Variants in NCAPD2 observed in about 807,000 individuals in gnomAD.
NCAPD2 encodes non-SMC condensin I complex subunit D2, also known as condensin complex subunit 1.
Under a neutral mutation model 164.5 loss-of-function variants are expected in NCAPD2, and 100 were observed. The ratio of observed to expected loss-of-function variants is 0.61; its 90% CI spans 0.52 to 0.72. The LOEUF (loss-of-function observed/expected upper bound fraction) is 0.72. NCAPD2 is among the 30% of genes least tolerant of loss of function. The probability of loss-of-function intolerance (pLI) is 0.00; values close to 1 mark genes in which losing one functional copy is unlikely to be tolerated. For missense variants in NCAPD2, 1,560 were observed against 1,749.2 expected (o/e 0.89, Z 1.93); for synonymous variants, 585 against 642.6 (o/e 0.91, Z 1.36).
intron 2 of NCAPD2, among the ~76,000 whole-genome samples, chr12:6,504,239 A>ATATG (rs1565539684): frequency 1.2e-4 from 10 of 86,930 alleles, no homozygotes; most frequent in African/African-American, 4.3e-4. Flanking sequence ...ATATATATAT[A>ATATG]TATACCATTG....
chr12:6,521,879 A>G lies in NCAPD2; in HGVS notation c.1796A>G (p.Lys599Arg), dbSNP rs147032879. 11 of 1,614,130 alleles carry G rather than the reference A, an allele frequency of 6.8e-6. No homozygotes were observed. Among genetic ancestry groups the G allele is most frequent in the Non-Finnish European group, 9.3e-6 (11 of 1,180,012 alleles). The change falls in exon 15 of 32, where the codon AAA becomes AGA. Residue 599 changes from lysine (K) to arginine (R), a missense_variant. Transcript: ENST00000315579. Reference protein sequence around the residue: ...MVTGQTVCKNKPNMSDPEESR... With the variant: ...MVTGQTVCKNRPNMSDPEESR... ...ACAGGACAGACTGTCTGTAAAAATA[A>G]ACCCAATATGTCGGATCCTGAGGAA...
chr12:6,531,232 G>A lies in NCAPD2; in HGVS notation c.4121-95G>A, dbSNP rs369033087. ...GTACAGCTTGGATTTTATTTCTTCT[G>A]TGCGGTGTGGGATTGTCTCACTTGT... On this transcript the variant is annotated intron_variant, in intron 31 of 31. Transcript: ENST00000315579. The surrounding 1 kb of genome is among the most constrained non-coding windows in gnomAD (Gnocchi z 4.1). 14 of 1,485,368 alleles carry A rather than the reference G, an allele frequency of 9.4e-6. No homozygotes were observed. In the African/African-American group the frequency reaches 1.7e-4, roughly 18 times the overall value. 92.0% of individuals were successfully genotyped at this position (1,485,368 alleles called of 1,614,324 possible). A position where few individuals can be genotyped will look rare whatever the true frequency, so the allele number is the denominator to read the frequency against.
Position 6,517,596 on chromosome 12 carries a change from C to T in NCAPD2, c.1321C>T (p.Leu441Phe), listed in dbSNP as rs760972801. Residue 441 changes from leucine (L) to phenylalanine (F), a missense_variant and splice_region_variant, in exon 12 of 32, where the codon CTT becomes TTT. By Grantham distance (22) the Leu-to-Phe change is conservative (BLOSUM62 0). Transcript: ENST00000315579. ...FLANNPFSCK[L>F]SDADLAGPLQ... Reference sequence around the variant, plus strand: ...CCCTGCTATTCATTTTACCTGATAGCTTAGTGATGCTGACCTTGCCGGACC... The same window carrying T: ...CCCTGCTATTCATTTTACCTGATAGTTTAGTGATGCTGACCTTGCCGGACC... 1 of 1,614,228 alleles carries T rather than the reference C, an allele frequency of 6.2e-7. No homozygotes were observed. Among genetic ancestry groups the T allele is most frequent in the Non-Finnish European group, 8.5e-7 (1 of 1,180,038 alleles).
At chr12:6,530,280 A>G (rs560010511) in intron 29 of NCAPD2, among the ~76,000 whole-genome samples, 1 of 152,200 alleles carries the variant, frequency 6.6e-6, no homozygotes, top group Non-Finnish European at 1.5e-5. Flanking sequence ...CCTTGCCCCT[A>G]CACATCACAG....
At position 6,512,308 on chromosome 12, in the gene NCAPD2, TAGAC is replaced by T. The variant is rs1168340356; in HGVS notation, c.587+1066_587+1069del. Among the ~76,000 whole-genome samples the T allele has an allele frequency of 8.0e-3, 1,167 of 145,896 alleles. 21 individuals carry two copies. Among genetic ancestry groups the T allele is most frequent in the African/African-American group, 0.027 (1,051 of 39,320 alleles). ...AAAAAAAAAAAGATAGATAGATAGATAGACAGACAGACAAACAGACAGACAAGCT... is the reference window on the plus strand; with the variant it reads ...AAAAAAAAAAAGATAGATAGATAGATAGACAGACAAACAGACAGACAAGCT... On this transcript the variant is annotated intron_variant, in intron 6 of 31. Coordinates refer to ENST00000315579, the MANE Select transcript of NCAPD2 (RefSeq NM_014865.4).
chr12:6,527,744 C>T, intron 22 of NCAPD2, 33 bp from the exon 23 acceptor site: 2 of 1,578,708 alleles, frequency 1.3e-6, no homozygotes, highest in South Asian at 1.1e-5. Context: ...GTTGTCTCTG[C>T]TTATCCATGA....
intron 6 of NCAPD2, among the ~76,000 whole-genome samples, chr12:6,513,715 C>CTTTTTTATTTTTTTTTTT: frequency 1.3e-5 from 1 of 74,894 alleles, no homozygotes; most frequent in Non-Finnish European, 2.5e-5. Flanking sequence ...GTGACTTTGT[C>CTTTTTTATTTTTTTTTTT]TTTTTTTTTT....
At position 6,527,796 on chromosome 12, in the gene NCAPD2, C is replaced by T. The variant is rs970819686; in HGVS notation, c.2927C>T (p.Thr976Ile). ...PKEKNTSSETTMEEELGLVGA... is the reference protein window; with the variant it reads ...PKEKNTSSETIMEEELGLVGA... Reference sequence around the variant, plus strand: ...CTTTAGAATACGAGCTCTGAGACCACCATGGAGGAGGAGCTGGGGCTGGTT... The same window carrying T: ...CTTTAGAATACGAGCTCTGAGACCATCATGGAGGAGGAGCTGGGGCTGGTT... Residue 976 changes from threonine (T) to isoleucine (I), a missense_variant, in exon 23 of 32, where the codon ACC becomes ATC. Physicochemically the swap from Thr to Ile is moderately conservative, Grantham distance 89. Transcript: ENST00000315579. 1.2e-6 allele frequency: 2 copies of T among 1,613,382 alleles called. No individual in the cohort carries two copies. The highest frequency in any genetic ancestry group is 1.3e-5 in the African/African-American group (1 of 75,016).
chr12:6,509,064 A>G (rs1396166174), intron 2 of NCAPD2, among the ~76,000 whole-genome samples: 4 of 150,216 alleles, frequency 2.7e-5, no homozygotes, highest in Non-Finnish European at 4.5e-5. Flanking sequence ...AAGGACACAA[A>G]TAGGATAAAC....
chr12:6,511,257 G>T lies in NCAPD2; in HGVS notation c.587+5G>T. On this transcript the variant is annotated splice_donor_5th_base_variant and intron_variant, in intron 6 of 31. Transcript: ENST00000315579. The stretch of plus-strand genomic sequence containing the variant: ...AATTGAAGAAGAATTTGTCAGGTGG[G>T]TAGGGAGGATGGCTACAGATAATAC... The T allele has an allele frequency of 6.2e-7, 1 of 1,614,086 alleles. No homozygotes were observed. The highest frequency in any genetic ancestry group is 8.5e-7 in the Non-Finnish European group (1 of 1,179,970).
rs771813237 is a variant in NCAPD2 at position 6,511,213 on chromosome 12, A to G, written c.548A>G (p.His183Arg). The change falls in exon 6 of 32, where the codon CAC (histidine) becomes CGC (arginine). Residue 183 changes from histidine (H) to arginine (R), a missense_variant. Physicochemically the swap from His to Arg is conservative, Grantham distance 29. Coordinates refer to ENST00000315579, the MANE Select transcript of NCAPD2 (RefSeq NM_014865.4). The stretch of plus-strand genomic sequence containing the variant: ...CAGCTACTTCAGTTGGACATCCGTC[A>G]CCTGTGGAACCACTCAATAATTGAA... ...LTQLLQLDIR[H>R]LWNHSIIEEE... 1 of 1,614,258 alleles carries G rather than the reference A, an allele frequency of 6.2e-7. No individual in the cohort carries two copies. The highest frequency in any genetic ancestry group is 8.5e-7 in the Non-Finnish European group (1 of 1,180,040).
rs1313401863 is a variant in NCAPD2, at chr12:6,527,872, G to A, written c.3003G>A (p.Glu1001=). Residue 1001 remains glutamate (E), a synonymous_variant, in exon 23 of 32, where the codon GAG becomes GAA. Transcript: ENST00000315579. ...TEAELIRGIC[E]MELLDGKQTL... ...CAGAACTAATCCGTGGCATCTGCGA[G>A]ATGGAACTGTTGGATGGTAAGAAAA... 2.5e-6 allele frequency: 4 copies of A among 1,613,628 alleles called. No homozygotes were observed. Among genetic ancestry groups the A allele is most frequent in the Non-Finnish European group, 3.4e-6 (4 of 1,179,620 alleles).
chr12:6,503,008 CTT>C (rs58563520), intron 2 of NCAPD2, among the ~76,000 whole-genome samples: 5,840 of 86,566 alleles, frequency 0.067, 462 homozygotes, highest in African/African-American at 0.22. Context: ...CCACACCTGG[CTT>C]TTTTTTTTTT....
At position 6,529,554 on chromosome 12, in the gene NCAPD2, G is replaced by A. The variant is rs748850248; in HGVS notation, c.3614G>A (p.Ser1205Asn). ...ATCACCAAGGACAAGCAGACAGAGA[G>A]CCTGGTGGAAAAGCTGTGTCAGCGG... ...SYITKDKQTESLVEKLCQRFR... is the reference protein window; with the variant it reads ...SYITKDKQTENLVEKLCQRFR... The change falls in exon 28 of 32, where the codon AGC becomes AAC. Residue 1205 changes from serine (S) to asparagine (N), a missense_variant. By Grantham distance (46) the Ser-to-Asn change is conservative. Transcript: ENST00000315579. 1.2e-6 allele frequency: 2 copies of A among 1,614,180 alleles called. No homozygotes were observed. The highest frequency in any genetic ancestry group is 2.2e-5 in the South Asian group (2 of 91,088).
At chr12:6,513,132 CACAT>C (rs1254081423) in intron 6 of NCAPD2, among the ~76,000 whole-genome samples, 1 of 152,176 alleles carries the variant, frequency 6.6e-6, no homozygotes, top group Non-Finnish European at 1.5e-5. Flanking sequence ...CTAGAGATAA[CACAT>C]TTGGGAATAT....
chr12:6,523,404 T>TG, intron 17 of NCAPD2, 58 bp downstream of exon 17: 1 of 1,427,858 alleles, frequency 7.0e-7, no homozygotes, highest in Non-Finnish European at 9.6e-7. Flanking sequence ...GGTTGTTTTT[T>TG]TTTTTTTTTT....
intron 8 of NCAPD2, 69 bp from the exon 9 acceptor site, chr12:6,514,704 T>G: frequency 6.2e-7 from 1 of 1,607,134 alleles, no homozygotes; most frequent in South Asian, 1.1e-5. Context: ...GATACCTGTC[T>G]TACCTTCCCT....
At chr12:6,518,447 C>T (rs902804505) in intron 13 of NCAPD2, among the ~76,000 whole-genome samples, 2 of 143,160 alleles carry the variant, frequency 1.4e-5, no homozygotes, top group African/African-American at 5.2e-5. Flanking sequence ...AAAGATTTCT[C>T]CTAGTGTTTT....
At chr12:6,508,752 C>G (rs1946119878) in intron 2 of NCAPD2, among the ~76,000 whole-genome samples, 1 of 152,164 alleles carries the variant, frequency 6.6e-6, no homozygotes, top group Non-Finnish European at 1.5e-5. Context: ...AATAATGTTA[C>G]AGTGGAGAAA....
Sources: allele counts gnomAD v4.1 joint callset (sites outside exome capture counted in the v4.1 genomes callset), GRCh38; gene constraint gnomAD v4.1.1; non-coding constraint Gnocchi (gnomAD v3.1); transcripts MANE v1.5; gene names NCBI Gene and HGNC (gene_info 2026-07-23, HGNC 2026-07-21).